Variants in HABP4 observed in about 807,000 individuals in gnomAD.
HABP4 encodes the protein intracellular hyaluronan-binding protein 4.
Under a neutral mutation model 44.1 loss-of-function variants are expected in HABP4, and 32 were observed. The ratio of observed to expected loss-of-function variants is 0.73; its 90% CI spans 0.55 to 0.97. HABP4 has a LOEUF of 0.97. Among genes scored for constraint, HABP4 ranks in the 50% least tolerant of loss-of-function variants. The pLI, the probability that HABP4 is intolerant of heterozygous loss-of-function variation, is 0.00. For missense variants in HABP4, 503 were observed against 561.9 expected (o/e 0.90, Z 1.06); for synonymous variants, 216 against 218.0 (o/e 0.99, Z 0.08).
At chr9:96,478,017 T>C (rs1309464965) in intron 5 of HABP4, among the ~76,000 whole-genome samples, 2 of 152,262 alleles carry the variant, frequency 1.3e-5, no homozygotes, top group Admixed American at 6.5e-5. Context: ...GATTTGTATC[T>C]GTTCATTCCT....
chr9:96,450,598 G>T lies in HABP4; in HGVS notation c.319G>T (p.Asp107Tyr). The T allele has an allele frequency of 7.8e-7, 1 of 1,283,920 alleles. No homozygotes were observed. The highest frequency in any genetic ancestry group is 9.8e-7 in the Non-Finnish European group (1 of 1,015,648). 79.5% of individuals were successfully genotyped at this position (1,283,920 alleles called of 1,614,324 possible). The change falls in exon 1 of 8, where the codon GAT becomes TAT. Residue 107 changes from aspartate (D) to tyrosine (Y), a missense_variant. This residue lies in a region of HABP4 where 290 missense variants were observed against 300.5 expected (regional missense o/e 0.97). Transcript: ENST00000375249. The surrounding 1 kb of genome is among the most constrained non-coding windows in gnomAD (Gnocchi z 4.8). ...SLPAPVAQRP[D>Y]SPGGGLQAPG... The stretch of plus-strand genomic sequence containing the variant: ...CCCGGCGCCCGTCGCTCAGCGGCCC[G>T]ATAGCCCCGGGGGCGGCCTGCAGGC...
chr9:96,458,856 A>G (rs1176248942), intron 2 of HABP4, among the ~76,000 whole-genome samples: 1 of 152,026 alleles, frequency 6.6e-6, no homozygotes, highest in African/African-American at 2.4e-5. Flanking sequence ...TCCCAACCTC[A>G]GGTGATCCAC....
chr9:96,482,980 T>G (rs1310283423), intron 5 of HABP4: 1 of 152,242 alleles, frequency 6.6e-6, no homozygotes, highest in African/African-American at 2.4e-5. Context: ...CATGTGGATG[T>G]GTGTTTTCAT....
chr9:96,484,520 T>G lies in HABP4; in HGVS notation c.886T>G (p.Trp296Gly). 6.3e-7 allele frequency: 1 copy of G among 1,582,990 alleles called. No homozygotes were observed. The highest frequency in any genetic ancestry group is 8.7e-7 in the Non-Finnish European group (1 of 1,151,784). The change falls in exon 6 of 8, where the codon TGG becomes GGG. Residue 296 changes from tryptophan to glycine, a missense_variant. By Grantham distance (184) the Trp-to-Gly change is radical. This residue lies in a region of HABP4 where 131 missense variants were observed against 189.8 expected (regional missense o/e 0.69). Coordinates refer to ENST00000375249, the MANE Select transcript of HABP4 (RefSeq NM_014282.4). ...TQVQEMTLDE[W>G]KNLQEQTRPK... is the part of the protein sequence containing the mutation. Reference sequence around the variant, plus strand: ...AGTTCAAGAGATGACTTTAGATGAGTGGAAAAATCTTCAAGAACAGACCAG... The same window carrying G: ...AGTTCAAGAGATGACTTTAGATGAGGGGAAAAATCTTCAAGAACAGACCAG...
At position 96,450,522 on chromosome 9, in the gene HABP4, C is replaced by T; in HGVS notation, c.243C>T (p.His81=). Residue 81 remains histidine, a synonymous_variant, in exon 1 of 8, where the codon CAC becomes CAT. Transcript: ENST00000375249. The surrounding 1 kb of genome is among the most constrained non-coding windows in gnomAD (Gnocchi z 4.8). ...GGAGCCCAGCCGGGGCCTCGGGCCA[C>T]AGAGCCGGCGCGGGCGGCCGGAGGG... ...GGRSPAGASG[H]RAGAGGRRES... 1 of 1,225,030 alleles carries T rather than the reference C, an allele frequency of 8.2e-7. No individual in the cohort carries two copies. Among genetic ancestry groups the T allele is most frequent in the Non-Finnish European group, 1.0e-6 (1 of 983,382 alleles). 75.9% of individuals were successfully genotyped at this position (1,225,030 alleles called of 1,614,324 possible). A position where few individuals can be genotyped will look rare whatever the true frequency, so the allele number is the denominator to read the frequency against.
chr9:96,482,861 AAAT>A (rs1365290960), intron 5 of HABP4, among the ~76,000 whole-genome samples: 2 of 152,242 alleles, frequency 1.3e-5, no homozygotes, highest in African/African-American at 4.8e-5. Flanking sequence ...ATATTCCAAA[AAAT>A]GTGCCATATT....
chr9:96,458,518 A>C lies in HABP4; in HGVS notation c.489A>C (p.Thr163=). Residue 163 remains threonine (T), a synonymous_variant, in exon 2 of 8, where the codon ACA becomes ACC. Coordinates refer to ENST00000375249, the MANE Select transcript of HABP4 (RefSeq NM_014282.4). ...AGACAGAGAGGCAGGCAGACTTCAC[A>C]GCTGAGAAGTTTCCAGATGAAAAGT... ...PYETERQADF[T]AEKFPDEKPG... is the part of the protein sequence containing the mutation. The C allele has an allele frequency of 6.2e-7, 1 of 1,613,594 alleles. No homozygotes were observed. The highest frequency in any genetic ancestry group is 8.5e-7 in the Non-Finnish European group (1 of 1,179,492).
chr9:96,471,051 G>C lies in HABP4; in HGVS notation c.784G>C (p.Val262Leu). ...PTAPMEEPTV[V>L]EESQGTPEEE... Reference sequence around the variant, plus strand: ...TGCACCGATGGAGGAACCCACAGTGGTGGAGGAGTCCCAGGGCACCCCGGA... The same window carrying C: ...TGCACCGATGGAGGAACCCACAGTGCTGGAGGAGTCCCAGGGCACCCCGGA... Residue 262 changes from valine to leucine, a missense_variant, in exon 5 of 8, where the codon GTG (valine) becomes CTG (leucine). Coordinates refer to ENST00000375249, the MANE Select transcript of HABP4 (RefSeq NM_014282.4). The C allele has an allele frequency of 6.2e-7, 1 of 1,608,746 alleles. No individual in the cohort carries two copies. The highest frequency in any genetic ancestry group is 2.2e-5 in the East Asian group (1 of 44,864).
At chr9:96,481,993 T>G (rs1587687480) in intron 5 of HABP4, among the ~76,000 whole-genome samples, 2 of 151,534 alleles carry the variant, frequency 1.3e-5, no homozygotes, top group South Asian at 4.2e-4. Flanking sequence ...TGGAGTGCAG[T>G]GGTGCGATCT....
chr9:96,450,649 T>C lies in HABP4; in HGVS notation c.349+21T>C. ...GCCGGGTACGCGGGGACAGCGGGGT[T>C]AGCGGACCACGGCTCGGCCCGCTGT... On this transcript the variant is annotated intron_variant, in intron 1 of 7. Transcript: ENST00000375249. The surrounding 1 kb of genome is among the most constrained non-coding windows in gnomAD (Gnocchi z 4.8). 8.0e-7 allele frequency: 1 copy of C among 1,256,740 alleles called. No homozygotes were observed. The highest frequency in any genetic ancestry group is 1.0e-6 in the Non-Finnish European group (1 of 1,000,090). 77.8% of individuals were successfully genotyped at this position (1,256,740 alleles called of 1,614,324 possible).
chr9:96,475,391 A>AAC (rs1491585603), intron 5 of HABP4, among the ~76,000 whole-genome samples: 1 of 80,348 alleles, frequency 1.2e-5, no homozygotes, highest in African/African-American at 1.1e-4. Context: ...CAACAACAAC[A>AAC]AAAAAAAAAA....
At position 96,484,704 on chromosome 9, in the gene HABP4, A is replaced by G. The variant is rs1832939891; in HGVS notation, c.999+71A>G. 6.0e-6 allele frequency: 5 copies of G among 827,226 alleles called. No individual in the cohort carries two copies. The South Asian group carries it at 6.3e-5, about 10-fold the overall frequency. The allele number at this position is 827,226 out of a possible 1,614,324, so 51.2% of individuals were successfully genotyped here. A position where few individuals can be genotyped will look rare whatever the true frequency, so the allele number is the denominator to read the frequency against. On this transcript the variant is annotated intron_variant, in intron 6 of 7. Transcript: ENST00000375249. The stretch of plus-strand genomic sequence containing the variant: ...TACTGGAAGTGAAATGTACCTTTCC[A>G]CTTCTGTCTTGAAAATGGAACATTA...
chr9:96,485,153 A>T (rs1564169795), intron 6 of HABP4, among the ~76,000 whole-genome samples: 1 of 152,094 alleles, frequency 6.6e-6, no homozygotes, highest in Non-Finnish European at 1.5e-5. Flanking sequence ...CCCGGGTTCA[A>T]GCGATTCTCG....
Position 96,488,320 on chromosome 9 carries a change from A to G in HABP4, c.1185+46A>G, listed in dbSNP as rs763960503. ...TTTGGCGAAAGAAGTTAATAAGGAC[A>G]GTGCCCTGGGCCCAGGATGGTCTAA... On this transcript the variant is annotated intron_variant, in intron 7 of 7. Coordinates refer to ENST00000375249, the MANE Select transcript of HABP4 (RefSeq NM_014282.4). The surrounding 1 kb of genome is among the most constrained non-coding windows in gnomAD (Gnocchi z 4.6). 1.5e-6 allele frequency: 2 copies of G among 1,359,780 alleles called. No individual in the cohort carries two copies. The highest frequency in any genetic ancestry group is 4.7e-5 in the East Asian group (2 of 42,990). 84.2% of individuals were successfully genotyped at this position (1,359,780 alleles called of 1,614,324 possible).
At chr9:96,471,993 T>C (rs1587682113) in intron 5 of HABP4, among the ~76,000 whole-genome samples, 1 of 152,212 alleles carries the variant, frequency 6.6e-6, no homozygotes, top group Non-Finnish European at 1.5e-5. Context: ...TTCTCCATGT[T>C]GATCAGGCTG....
chr9:96,484,592 T>A lies in HABP4; in HGVS notation c.958T>A (p.Ser320Thr). Reference protein sequence around the residue: ...NIRKPESTVPSKAVVIHKSKY... With the variant: ...NIRKPESTVPTKAVVIHKSKY... ...CCGGAAACCAGAATCCACTGTTCCT[T>A]CCAAAGCCGTGGTGATTCACAAGTC... Residue 320 changes from serine (S) to threonine (T), a missense_variant, in exon 6 of 8, where the codon TCC (serine) becomes ACC (threonine). Coordinates refer to ENST00000375249, the MANE Select transcript of HABP4 (RefSeq NM_014282.4). The A allele has an allele frequency of 6.3e-7, 1 of 1,599,408 alleles. No individual in the cohort carries two copies. Among genetic ancestry groups the A allele is most frequent in the Non-Finnish European group, 8.6e-7 (1 of 1,166,634 alleles).
At chr9:96,456,771 AAAAAAAAAAATATAT>A (rs1451555401) in intron 1 of HABP4, among the ~76,000 whole-genome samples, 2 of 70,738 alleles carry the variant, frequency 2.8e-5, no homozygotes, top group Non-Finnish European at 5.0e-5. Flanking sequence ...AAAAAAAAAA[AAAAAAAAAAATATAT>A]ATATATATAT....
chr9:96,489,383 A>T (rs1192233517), intron 7 of HABP4, among the ~76,000 whole-genome samples: 1 of 152,050 alleles, frequency 6.6e-6, no homozygotes, highest in East Asian at 1.9e-4. Context: ...CAACCTGTGC[A>T]TCCCTCCACC....
At chr9:96,477,840 C>A (rs1183816697) in intron 5 of HABP4, among the ~76,000 whole-genome samples, 1 of 152,178 alleles carries the variant, frequency 6.6e-6, no homozygotes, top group Non-Finnish European at 1.5e-5. Flanking sequence ...AGTTTCCTGG[C>A]GTTCCTTTGT....
Sources: allele counts gnomAD v4.1 joint callset (sites outside exome capture counted in the v4.1 genomes callset), GRCh38; gene constraint gnomAD v4.1.1; regional missense constraint gnomAD v4.1.1; non-coding constraint Gnocchi (gnomAD v3.1); transcripts MANE v1.5; gene names NCBI Gene and HGNC (gene_info 2026-07-23, HGNC 2026-07-21).